Variants in ARHGEF7 observed in about 807,000 individuals in gnomAD.
ARHGEF7 encodes PAK-interacting exchange factor beta.
A neutral mutation model predicts 109.8 loss-of-function variants in ARHGEF7; 33 were observed. That is an observed-to-expected ratio of 0.30 (90% confidence interval 0.23 to 0.40). ARHGEF7 has a LOEUF of 0.40. ARHGEF7 is among the 10% of genes least tolerant of loss of function. ARHGEF7 has a pLI of 1.00. For synonymous variants in ARHGEF7, 458 were observed against 424.6 expected (o/e 1.08, Z -0.97); for missense variants, 938 against 1,098.5 (o/e 0.85, Z 2.07).
chr13:111,201,312 G>T (rs1046428750), intron 2 of ARHGEF7, among the ~76,000 whole-genome samples: 1 of 152,220 alleles, frequency 6.6e-6, no homozygotes, highest in Non-Finnish European at 1.5e-5. Context: ...GTATTTCACA[G>T]AGGGCAAGAT....
intron 2 of ARHGEF7, among the ~76,000 whole-genome samples, chr13:111,201,411 T>C (rs952745779): frequency 6.6e-6 from 1 of 152,192 alleles, no homozygotes; most frequent in African/African-American, 2.4e-5. Flanking sequence ...CCAGTAAACA[T>C]ACTCTATGAG....
Position 111,154,010 on chromosome 13 carries a change from G to T in ARHGEF7, c.252+19G>T, listed in dbSNP as rs758395225. On this transcript the variant is annotated intron_variant, in intron 2 of 21. Coordinates refer to ENST00000646102, the MANE Select transcript of ARHGEF7 (RefSeq NM_001354046.2). Reference sequence around the variant, plus strand: ...GCTGGAGGTGAGCGCGGGCGGCCACGGGCCGAGGGAGGGGCCGGGAAGACG... The same window carrying T: ...GCTGGAGGTGAGCGCGGGCGGCCACTGGCCGAGGGAGGGGCCGGGAAGACG... 9 of 1,591,374 alleles carry T rather than the reference G, an allele frequency of 5.7e-6. No homozygotes were observed. Among genetic ancestry groups the T allele is most frequent in the South Asian group, 1.1e-5 (1 of 89,368 alleles).
chr13:111,120,589 T>C (rs902100962), intron 1 of ARHGEF7, among the ~76,000 whole-genome samples: 1 of 152,150 alleles, frequency 6.6e-6, no homozygotes, highest in Non-Finnish European at 1.5e-5. Flanking sequence ...CATTCCATTT[T>C]CTCAGGGGCA....
intron 1 of ARHGEF7, among the ~76,000 whole-genome samples, chr13:111,118,399 A>G (rs831144): frequency 6.6e-6 from 1 of 152,230 alleles, no homozygotes; most frequent in Non-Finnish European, 1.5e-5. Flanking sequence ...TATAAACTTT[A>G]CATGAACAGT....
At chr13:111,221,218 T>C (rs1405928234) in intron 5 of ARHGEF7, among the ~76,000 whole-genome samples, 1 of 33,478 alleles carries the variant, frequency 3.0e-5, no homozygotes, top group Non-Finnish European at 6.5e-5. Flanking sequence ...TATATATGTC[T>C]ATATATATCT....
intron 20 of ARHGEF7, among the ~76,000 whole-genome samples, chr13:111,301,150 T>C (rs1255471842): frequency 6.6e-6 from 1 of 152,188 alleles, no homozygotes; most frequent in Non-Finnish European, 1.5e-5. Context: ...GTTTTCACCC[T>C]GTTGGCCAGG....
At chr13:111,172,289 T>G (rs1355135722) in intron 2 of ARHGEF7, among the ~76,000 whole-genome samples, 1 of 152,156 alleles carries the variant, frequency 6.6e-6, no homozygotes, top group East Asian at 1.9e-4. Context: ...ATATATTCTC[T>G]TAATATCCCT....
chr13:111,231,865 G>T (rs1411320533), intron 5 of ARHGEF7, among the ~76,000 whole-genome samples: 1 of 152,064 alleles, frequency 6.6e-6, no homozygotes, highest in Non-Finnish European at 1.5e-5. Flanking sequence ...AGGGAAAACT[G>T]GTAGGGACTA....
intron 2 of ARHGEF7, among the ~76,000 whole-genome samples, chr13:111,183,062 GT>G (rs967131641): frequency 1.3e-5 from 2 of 152,170 alleles, no homozygotes; most frequent in African/African-American, 4.8e-5. Context: ...ATGTTTTTCA[GT>G]TTACAGTGGG....
intron 2 of ARHGEF7, among the ~76,000 whole-genome samples, chr13:111,183,676 C>A (rs1013185095): frequency 1.3e-5 from 2 of 152,168 alleles, no homozygotes; most frequent in Non-Finnish European, 2.9e-5. Context: ...TTCTCTTCCC[C>A]ATTATGGCCT....
rs1378874574 is a variant in ARHGEF7, at chr13:111,189,253, C to G, written c.253-16036C>G. On this transcript the variant is annotated intron_variant, in intron 2 of 21. Transcript: ENST00000646102. ...TCCTTCTGGTGGGTTCTTGGTCTCG[C>G]TGACTTCAAGAATGAAGCCGCAGAC... 5.3e-5 allele frequency among the ~76,000 whole-genome samples: 8 copies of G among 152,344 alleles called. No individual in the cohort carries two copies. The East Asian group carries it at 1.5e-3, about 29-fold the overall frequency.
rs2090724268 is a variant in ARHGEF7, at chr13:111,258,604, G to A, written c.951-8944G>A. ...GTGGTACCCAGGCAGAACTCACCAT[G>A]GGTCTTGCATGAGACTCAAAGACGA... On this transcript the variant is annotated intron_variant, in intron 8 of 21. Coordinates refer to ENST00000646102, the MANE Select transcript of ARHGEF7 (RefSeq NM_001354046.2). The surrounding 1 kb of genome is among the most constrained non-coding windows in gnomAD (Gnocchi z 4.4). Among the ~76,000 whole-genome samples the A allele has an allele frequency of 6.6e-6, 1 of 152,082 alleles. No individual in the cohort carries two copies. Among genetic ancestry groups the A allele is most frequent in the Non-Finnish European group, 1.5e-5 (1 of 67,996 alleles).
intron 18 of ARHGEF7, 86 bp from the exon 19 acceptor site, chr13:111,292,032 G>T: frequency 8.7e-7 from 1 of 1,148,238 alleles, no homozygotes; most frequent in South Asian, 1.4e-5. Context: ...TTTTGCTTTT[G>T]TTCCATGTTT....
At chr13:111,264,727 A>G (rs2091442182) in intron 8 of ARHGEF7, among the ~76,000 whole-genome samples, 1 of 152,240 alleles carries the variant, frequency 6.6e-6, no homozygotes, top group Non-Finnish European at 1.5e-5. Flanking sequence ...TACACAGCAC[A>G]GGGAAGAGAC....
At position 111,267,307 on chromosome 13, in the gene ARHGEF7, G is replaced by GTCT. The variant is rs1567015085; in HGVS notation, c.951-241_951-240insTCT. Among the ~76,000 whole-genome samples, 3 of 152,184 alleles carry GTCT rather than the reference G, an allele frequency of 2.0e-5. No homozygotes were observed. In the South Asian group the frequency reaches 6.2e-4, roughly 32 times the overall value. ...AAGAACTTGGGCCTGAGGGTTGGTT[G>GTCT]GGATGCTGTGCAGTCTGAATGCTGC... On this transcript the variant is annotated intron_variant, in intron 8 of 21. Transcript: ENST00000646102.
intron 2 of ARHGEF7, among the ~76,000 whole-genome samples, chr13:111,193,927 A>C (rs1437443866): frequency 6.6e-6 from 1 of 152,186 alleles, no homozygotes; most frequent in African/African-American, 2.4e-5. Flanking sequence ...TATTTGAAGC[A>C]CTGGTCCCTC....
chr13:111,159,542 C>T (rs1194969953), intron 2 of ARHGEF7, among the ~76,000 whole-genome samples: 1 of 152,240 alleles, frequency 6.6e-6, no homozygotes, highest in Non-Finnish European at 1.5e-5. Flanking sequence ...TCCTTGCCAA[C>T]ACCTGTCGCC....
intron 8 of ARHGEF7, among the ~76,000 whole-genome samples, chr13:111,263,799 A>G (rs1402864232): frequency 5.1e-5 from 7 of 138,448 alleles, no homozygotes; most frequent in Admixed American, 5.0e-4. Flanking sequence ...TGTGTGTCTT[A>G]AAGGGCGTGT....
At chr13:111,125,578 T>C (rs1444308727) in intron 1 of ARHGEF7, among the ~76,000 whole-genome samples, 1 of 152,228 alleles carries the variant, frequency 6.6e-6, no homozygotes, top group Non-Finnish European at 1.5e-5. Context: ...CATGAAGCCT[T>C]GTTCTGACAG....
Sources: allele counts gnomAD v4.1 joint callset (sites outside exome capture counted in the v4.1 genomes callset), GRCh38; gene constraint gnomAD v4.1.1; non-coding constraint Gnocchi (gnomAD v3.1); transcripts MANE v1.5; gene names NCBI Gene and HGNC (gene_info 2026-07-23, HGNC 2026-07-21).